Variants in MYO16 observed in about 807,000 individuals in gnomAD.
MYO16 encodes unconventional myosin-XVI.
In MYO16, 94 loss-of-function variants were observed where a neutral mutation model predicts 205.3. The ratio of observed to expected loss-of-function variants is 0.46; its 90% CI spans 0.39 to 0.54. MYO16 has a LOEUF of 0.54. Ranked by LOEUF, MYO16 falls within the 20% of genes least tolerant of loss-of-function variation. MYO16 has a pLI of 0.00. For missense variants in MYO16, 2,315 were observed against 2,387.5 expected, an observed-to-expected ratio of 0.97 and a Z score of 0.63; for synonymous variants, 988 against 954.0, an observed-to-expected ratio of 1.04 and a Z score of -0.66.
chr13:109,009,548 T>C (rs1255202684), intron 22 of MYO16, among the ~76,000 whole-genome samples: 2 of 152,210 alleles, frequency 1.3e-5, no homozygotes, highest in Non-Finnish European at 2.9e-5. Flanking sequence ...TTAGTTTTTC[T>C]ACTTTACAAT....
chr13:109,170,479 G>A (rs1443473481), intron 33 of MYO16, among the ~76,000 whole-genome samples: 1 of 151,946 alleles, frequency 6.6e-6, no homozygotes, highest in African/African-American at 2.4e-5. Context: ...AGGAGCTTCC[G>A]CAGAGCTGCC....
intron 24 of MYO16, 78 bp downstream of exon 24, chr13:109,047,069 C>T: frequency 9.1e-7 from 1 of 1,100,988 alleles, no homozygotes; most frequent in Non-Finnish European, 1.4e-6. Context: ...GAATATTTTC[C>T]TAGAAAATAT....
chr13:108,833,654 T>C (rs931650098), intron 9 of MYO16, among the ~76,000 whole-genome samples: 2 of 152,210 alleles, frequency 1.3e-5, no homozygotes, highest in African/African-American at 4.8e-5. Context: ...TTAGTTTCAT[T>C]TTATTACATT....
chr13:108,541,425 CAT>C, the MYO16 span, among the ~76,000 whole-genome samples: 4 of 150,934 alleles, frequency 2.7e-5, no homozygotes, highest in Non-Finnish European at 4.4e-5. Flanking sequence ...TAAAATAAAA[CAT>C]GTATTCACAA....
intron 28 of MYO16, among the ~76,000 whole-genome samples, chr13:109,114,244 A>G (rs1875558746): frequency 1.3e-5 from 2 of 152,230 alleles, no homozygotes; most frequent in African/African-American, 4.8e-5. Context: ...CGTCACCGAC[A>G]TCATTTAGGA....
At chr13:109,080,497 G>A (rs1371553673) in intron 27 of MYO16, among the ~76,000 whole-genome samples, 3 of 151,736 alleles carry the variant, frequency 2.0e-5, no homozygotes, top group African/African-American at 7.3e-5. Flanking sequence ...CTTGGGTTAG[G>A]AGCTTTAATG....
chr13:108,616,480 G>A (rs1451891075), intron 1 of MYO16, among the ~76,000 whole-genome samples: 7 of 152,164 alleles, frequency 4.6e-5, no homozygotes, highest in East Asian at 1.9e-4. Context: ...TTCCTCGGCC[G>A]TTTAGTGATG....
intron 21 of MYO16, among the ~76,000 whole-genome samples, chr13:109,006,635 C>A (rs80032059): frequency 0.091 from 13,797 of 152,212 alleles, 694 homozygotes; most frequent in Middle Eastern, 0.11. Context: ...ATTCCCCTTG[C>A]AGATGAGATC....
Position 108,632,264 on chromosome 13 carries a change from G to A in MYO16, c.28+2392G>A, listed in dbSNP as rs143604945. On this transcript the variant is annotated intron_variant, in intron 1 of 34. Coordinates refer to ENST00000457511, the MANE Select transcript of MYO16 (RefSeq NM_001198950.3). ...CTTCGTCACACTCCATTCCTTCTTC[G>A]CCTGTCCTGCATTTCTACCACATAT... Among the ~76,000 whole-genome samples the A allele has an allele frequency of 7.2e-3, 1,100 of 152,050 alleles. 38 individuals are homozygous for A. Among genetic ancestry groups the A allele is most frequent in the East Asian group, 4.1e-3 (21 of 5,154 alleles).
chr13:109,170,619 G>T lies in MYO16; in HGVS notation c.5323+5560G>T, dbSNP rs184368658. ...ATATTTAAGTTTTCTGTGTTTTGAG[G>T]CAAAAGGCAAAAACTACAGCTTCGG... On this transcript the variant is annotated intron_variant, in intron 33 of 34. Coordinates refer to ENST00000457511, the MANE Select transcript of MYO16 (RefSeq NM_001198950.3). Among the ~76,000 whole-genome samples the T allele has an allele frequency of 5.0e-3, 757 of 151,804 alleles. 6 individuals carry two copies. The highest frequency in any genetic ancestry group is 0.018 in the African/African-American group (735 of 41,412).
intron 7 of MYO16, among the ~76,000 whole-genome samples, chr13:108,818,275 T>C (rs1875747759): frequency 6.6e-6 from 1 of 151,704 alleles, no homozygotes; most frequent in South Asian, 2.1e-4. Context: ...TCCCAGCTAC[T>C]CTGGAGGCTG....
intron 2 of MYO16, among the ~76,000 whole-genome samples, chr13:108,666,787 T>C (rs1881751998): frequency 6.6e-6 from 1 of 152,230 alleles, no homozygotes; most frequent in Non-Finnish European, 1.5e-5. Flanking sequence ...CTCAATTGTC[T>C]TCACAAGACT....
At chr13:108,844,308 G>A (rs768572518) in intron 9 of MYO16, 35 bp from the exon 10 acceptor site, 3 of 1,569,358 alleles carry the variant, frequency 1.9e-6, no homozygotes, top group Non-Finnish European at 1.7e-6. Context: ...ACATTAGAAA[G>A]AGACTAATTG....
chr13:108,997,356 GA>G lies in MYO16; in HGVS notation c.2442+4909del, dbSNP rs1566452321. 9.8e-3 allele frequency among the ~76,000 whole-genome samples: 36 copies of G among 3,680 alleles called. 2 individuals are homozygous for G. Among genetic ancestry groups the G allele is most frequent in the African/African-American group, 0.032 (33 of 1,046 alleles). 2.4% of individuals were successfully genotyped at this position (3,680 alleles called of 152,430 possible). ...AGAAAGAAAGAGAGAGAGAGAGAGA[GA>G]GAGAGAGAGAGAGAGAGAGAGAGAG... is the stretch of plus-strand genomic sequence containing the variant. On this transcript the variant is annotated intron_variant, in intron 21 of 34. Transcript: ENST00000457511.
At position 109,184,622 on chromosome 13, in the gene MYO16, A is replaced by G. The variant is rs1022911431; in HGVS notation, c.5415+4989A>G. ...TTTTTTGTTTGTGTGTGTGTTTGAG[A>G]TAGTCTCCCTCTGTCCCAGGCTGGA... On this transcript the variant is annotated intron_variant, in intron 34 of 34. Transcript: ENST00000457511. 3.3e-5 allele frequency among the ~76,000 whole-genome samples: 5 copies of G among 152,032 alleles called. No homozygotes were observed. In the East Asian group the frequency reaches 9.6e-4, roughly 29 times the overall value.
chr13:108,921,931 C>G (rs925965675), intron 16 of MYO16, among the ~76,000 whole-genome samples: 2 of 152,122 alleles, frequency 1.3e-5, no homozygotes, highest in African/African-American at 4.8e-5. Context: ...AGTATTGTCA[C>G]TATTAGTGTA....
intron 34 of MYO16, among the ~76,000 whole-genome samples, chr13:109,190,279 A>G (rs1879856163): frequency 6.6e-6 from 1 of 152,216 alleles, no homozygotes; most frequent in South Asian, 2.1e-4. Flanking sequence ...TGAGTTAGCA[A>G]TGTAATTTTA....
At chr13:109,168,820 T>TGCAAATATGACAAC (rs1314292787) in intron 33 of MYO16, among the ~76,000 whole-genome samples, 1 of 152,142 alleles carries the variant, frequency 6.6e-6, no homozygotes, top group African/African-American at 2.4e-5. Flanking sequence ...CTAATGACAA[T>TGCAAATATGACAAC]GCAAATATGA....
the MYO16 span, among the ~76,000 whole-genome samples, chr13:108,516,910 T>G: frequency 2.0e-5 from 3 of 151,550 alleles, no homozygotes; most frequent in African/African-American, 7.3e-5. Context: ...TTTCTGCCAT[T>G]TGAGTAATTA....
Sources: gnomAD v4.1 joint callset for allele counts (sites outside exome capture counted in the v4.1 genomes callset) on GRCh38, gnomAD v4.1.1 for gene constraint, MANE v1.5 for transcripts, NCBI Gene and HGNC (gene_info 2026-07-23, HGNC 2026-07-21) for gene names.